The following REEP1 variants were observed in gnomAD, a reference collection of about 807,000 sequenced individuals.
REEP1 encodes the protein receptor accessory protein 1.
A neutral mutation model predicts 40.3 loss-of-function variants in REEP1; 22 were observed. That is an observed-to-expected ratio of 0.55 (90% CI 0.39 to 0.78). REEP1 has a LOEUF of 0.78. Among genes scored for constraint, REEP1 ranks in the 30% least tolerant of loss-of-function variants. The pLI, the probability that REEP1 is intolerant of heterozygous loss-of-function variation, is 0.00. For synonymous variants in REEP1, 116 were observed against 139.2 expected (o/e 0.83, Z 1.17); for missense variants, 280 against 361.1 (o/e 0.78, Z 1.82).
chr2:86,333,531 G>T (rs916232442), intron 1 of REEP1, among the ~76,000 whole-genome samples: 3 of 152,226 alleles, frequency 2.0e-5, no homozygotes, highest in Admixed American at 1.3e-4. Flanking sequence ...GTAGTGAGCT[G>T]GGGTTTTAGT....
At chr2:86,264,492 TGCCTTTCTCCCCTAAG>T (rs1345070043) in intron 2 of REEP1, among the ~76,000 whole-genome samples, 2 of 152,168 alleles carry the variant, frequency 1.3e-5, no homozygotes, top group African/African-American at 2.4e-5. Context: ...CAATTTCTAC[TGCCTTTCTCCCCTAAG>T]GCCTTTGTCC....
intron 5 of REEP1, among the ~76,000 whole-genome samples, chr2:86,238,940 T>C (rs1189129302): frequency 6.6e-6 from 1 of 152,032 alleles, no homozygotes. Flanking sequence ...CAGGGATGTA[T>C]CTGAATAGCG....
chr2:86,321,461 T>G (rs960345365), intron 1 of REEP1, among the ~76,000 whole-genome samples: 2 of 152,166 alleles, frequency 1.3e-5, no homozygotes, highest in Non-Finnish European at 2.9e-5. Flanking sequence ...CACCCCCAGC[T>G]TAGTTTATGA....
intron 5 of REEP1, among the ~76,000 whole-genome samples, chr2:86,243,482 C>T (rs1675778757): frequency 6.6e-6 from 1 of 152,208 alleles, no homozygotes; most frequent in South Asian, 2.1e-4. Context: ...CGTGTGAATT[C>T]CTGGCCCTTC....
intron 8 of REEP1, among the ~76,000 whole-genome samples, chr2:86,217,906 C>A (rs1322601226): frequency 6.6e-6 from 1 of 152,084 alleles, no homozygotes; most frequent in African/African-American, 2.4e-5. Context: ...ACACAGATCA[C>A]AGGAGGAGTT....
chr2:86,328,643 C>T (rs1680623445), intron 1 of REEP1, among the ~76,000 whole-genome samples: 1 of 152,242 alleles, frequency 6.6e-6, no homozygotes, highest in Non-Finnish European at 1.5e-5. Flanking sequence ...GGTGCCACTG[C>T]ACTCCAGCCT....
At chr2:86,293,065 G>C (rs1461655795) in intron 1 of REEP1, among the ~76,000 whole-genome samples, 2 of 142,052 alleles carry the variant, frequency 1.4e-5, no homozygotes, top group Non-Finnish European at 3.0e-5. Flanking sequence ...ACATTAAGAG[G>C]TTAAATTCAT....
chr2:86,282,469 C>G (rs2104396154), intron 1 of REEP1, among the ~76,000 whole-genome samples: 1 of 152,144 alleles, frequency 6.6e-6, no homozygotes, highest in Non-Finnish European at 1.5e-5. Flanking sequence ...AACCTGTGGT[C>G]TGGCAACATG....
chr2:86,300,569 CAG>C (rs144711675), intron 1 of REEP1, among the ~76,000 whole-genome samples: 1 of 152,134 alleles, frequency 6.6e-6, no homozygotes, highest in African/African-American at 2.4e-5. Flanking sequence ...ACCAGACACA[CAG>C]AGAGAGTCGA....
At chr2:86,244,028 T>A (rs1439318613) in intron 5 of REEP1, among the ~76,000 whole-genome samples, 1 of 152,170 alleles carries the variant, frequency 6.6e-6, no homozygotes, top group Non-Finnish European at 1.5e-5. Flanking sequence ...CTTGGAAATA[T>A]CTCCTAAGTA....
chr2:86,291,180 ACT>A (rs765938447), intron 1 of REEP1, among the ~76,000 whole-genome samples: 3 of 152,070 alleles, frequency 2.0e-5, no homozygotes, highest in African/African-American at 2.4e-5. Context: ...TGCCTTCCTG[ACT>A]CTGCAGTACA....
At chr2:86,231,497 G>A (rs1481039962) in intron 6 of REEP1, among the ~76,000 whole-genome samples, 1 of 152,230 alleles carries the variant, frequency 6.6e-6, no homozygotes, top group African/African-American at 2.4e-5. Context: ...TCCTGTTGAT[G>A]GCTAAGACCC....
chr2:86,256,969 T>C (rs1676596670), intron 3 of REEP1, among the ~76,000 whole-genome samples: 1 of 152,116 alleles, frequency 6.6e-6, no homozygotes, highest in Non-Finnish European at 1.5e-5. Context: ...TCAGTAGCCT[T>C]ACCCACGCCT....
Position 86,217,014 on chromosome 2 carries a change from A to C in REEP1, c.*25T>G, listed in dbSNP as rs1162210747. The stretch of plus-strand genomic sequence containing the variant: ...AAGGCAGAGAAGAAACATTCTGTGG[A>C]TCCGGTGCTGTTGGCTCATCTCACT... On this transcript the variant is annotated 3_prime_UTR_variant, in exon 9 of 9. Coordinates refer to ENST00000538924, the MANE Select transcript of REEP1 (RefSeq NM_001371279.1). The C allele has an allele frequency of 6.3e-7, 1 of 1,599,120 alleles. No homozygotes were observed. Among genetic ancestry groups the C allele is most frequent in the East Asian group, 2.2e-5 (1 of 44,796 alleles).
intron 1 of REEP1, among the ~76,000 whole-genome samples, chr2:86,318,463 A>C (rs1485482187): frequency 2.1e-5 from 3 of 140,520 alleles, no homozygotes; most frequent in Non-Finnish European, 3.0e-5. Flanking sequence ...CAGTGGTATG[A>C]TCTCGGCCCA....
At chr2:86,251,887 G>A (rs763573741) in intron 5 of REEP1, 70 bp downstream of exon 5, 80 of 1,039,072 alleles carry the variant, frequency 7.7e-5, no homozygotes, top group East Asian at 1.9e-4. Flanking sequence ...CTGTGTGGTC[G>A]CACAGGTGAT....
chr2:86,287,244 C>T lies in REEP1; in HGVS notation c.33-5002G>A, dbSNP rs557577810. Among the ~76,000 whole-genome samples the T allele has an allele frequency of 1.4e-3, 219 of 152,218 alleles. 1 individual carries two copies. Among genetic ancestry groups the T allele is most frequent in the African/African-American group, 4.9e-3 (202 of 41,532 alleles). On this transcript the variant is annotated intron_variant, in intron 1 of 8. Transcript: ENST00000538924. Reference sequence around the variant, plus strand: ...CTGGGATTACAGGTGTGCATCACCACATCTGGCTAATTTTTGTATTTTTAG... The same window carrying T: ...CTGGGATTACAGGTGTGCATCACCATATCTGGCTAATTTTTGTATTTTTAG...
At chr2:86,308,206 C>T (rs1327064549) in intron 1 of REEP1, among the ~76,000 whole-genome samples, 7 of 152,176 alleles carry the variant, frequency 4.6e-5, no homozygotes, top group Non-Finnish European at 1.5e-5. Context: ...ATGCAAGATC[C>T]AAAGGCAATA....
At chr2:86,249,202 G>C (rs1676136209) in intron 5 of REEP1, among the ~76,000 whole-genome samples, 1 of 151,896 alleles carries the variant, frequency 6.6e-6, no homozygotes, top group Non-Finnish European at 1.5e-5. Flanking sequence ...AGAGGTTGCA[G>C]TGAGCTGAGA....
Sources: gnomAD v4.1 joint callset for allele counts (sites outside exome capture counted in the v4.1 genomes callset) on GRCh38, gnomAD v4.1.1 for gene constraint, MANE v1.5 for transcripts, NCBI Gene and HGNC (gene_info 2026-07-23, HGNC 2026-07-21) for gene names.